GRAMD1B: variants seen among roughly 807,000 people sequenced by gnomAD.
The protein encoded by GRAMD1B is GRAM domain containing 1B, also known as protein Aster-B.
Under a neutral mutation model 99.7 loss-of-function variants are expected in GRAMD1B, and 37 were observed. The ratio of observed to expected loss-of-function variants is 0.37; its 90% confidence interval spans 0.29 to 0.49. The LOEUF (loss-of-function observed/expected upper bound fraction) is 0.49, where lower values mean the gene tolerates loss of function less well. Ranked by LOEUF, GRAMD1B falls within the 20% of genes least tolerant of loss-of-function variation. The probability of loss-of-function intolerance (pLI) is 0.98; values close to 1 mark genes in which losing one functional copy is unlikely to be tolerated. For missense variants in GRAMD1B, 888 were observed against 1,009.2 expected, an observed-to-expected ratio of 0.88 and a Z score of 1.63; for synonymous variants, 427 against 387.6, an observed-to-expected ratio of 1.10 and a Z score of -1.19.
At chr11:123,611,646 C>T (rs756985081) in intron 14 of GRAMD1B, among the ~76,000 whole-genome samples, 1 of 152,148 alleles carries the variant, frequency 6.6e-6, no homozygotes, top group Non-Finnish European at 1.5e-5. Flanking sequence ...GAAGATCTTT[C>T]AATTGCATCT....
intron 2 of GRAMD1B, among the ~76,000 whole-genome samples, chr11:123,503,446 C>A (rs940295949): frequency 1.3e-5 from 2 of 152,198 alleles, no homozygotes; most frequent in African/African-American, 2.4e-5. Flanking sequence ...CTTAACCCCC[C>A]ACCCATACCC....
intron 1 of GRAMD1B, among the ~76,000 whole-genome samples, chr11:123,412,766 T>G (rs1156301705): frequency 8.3e-6 from 1 of 120,912 alleles, no homozygotes; most frequent in African/African-American, 4.5e-5. Context: ...TCTCTTCATT[T>G]TTTAATAAAA....
chr11:123,621,870 C>CT (rs1300129675), intron 19 of GRAMD1B, among the ~76,000 whole-genome samples: 2 of 134,340 alleles, frequency 1.5e-5, no homozygotes, highest in East Asian at 2.5e-4. Flanking sequence ...TCTTTCTTTT[C>CT]TTTCTTTCTT....
chr11:123,555,123 G>A (rs1201985950), intron 2 of GRAMD1B, among the ~76,000 whole-genome samples: 1 of 152,188 alleles, frequency 6.6e-6, no homozygotes, highest in African/African-American at 2.4e-5. Context: ...GTGCCAGCCG[G>A]CAAAGAAGAA....
intron 10 of GRAMD1B, among the ~76,000 whole-genome samples, chr11:123,605,998 G>A (rs1042329698): frequency 1.1e-4 from 17 of 152,158 alleles, no homozygotes; most frequent in African/African-American, 4.1e-4. Context: ...GTAGAACCTT[G>A]ATGAGGAAAG....
rs754862708 is a variant in GRAMD1B, at chr11:123,605,357, T to C, written c.1202T>C (p.Val401Ala). 5 of 1,612,490 alleles carry C rather than the reference T, an allele frequency of 3.1e-6. No homozygotes were observed. Among genetic ancestry groups the C allele is most frequent in the Non-Finnish European group, 4.2e-6 (5 of 1,179,070 alleles). The change falls in exon 10 of 20, where the codon GTG becomes GCG. Residue 401 changes from valine to alanine, a missense_variant. By Grantham distance (64) the Val-to-Ala change is moderately conservative (BLOSUM62 0). Around this residue, in one of 5 missense-constraint regions of GRAMD1B, gnomAD observed 269 missense variants for 296.6 expected, o/e 0.91. Coordinates refer to ENST00000635736, the MANE Select transcript of GRAMD1B (RefSeq NM_001387025.1). ...GAGATCCCTGTGGAAGAGAATGAAGTGAATGACAGCTCATCCAAGAGCAGC... is the reference window on the plus strand; with the variant it reads ...GAGATCCCTGTGGAAGAGAATGAAGCGAATGACAGCTCATCCAAGAGCAGC... ...CEEIPVEENEVNDSSSKSSIE... is the reference protein window; with the variant it reads ...CEEIPVEENEANDSSSKSSIE...
rs190700042 is a variant in GRAMD1B, at chr11:123,500,114, G to A, written c.452+19221G>A. Among the ~76,000 whole-genome samples, 198 of 152,210 alleles carry A rather than the reference G, an allele frequency of 1.3e-3. 3 individuals carry two copies. Among genetic ancestry groups the A allele is most frequent in the East Asian group, 1.2e-3 (6 of 5,170 alleles). On this transcript the variant is annotated intron_variant, in intron 2 of 19. Transcript: ENST00000635736. ...AGGCCGAGGCAGGCAGATCACTTGA[G>A]GTTCGAGACTAGCCTGGCCAACGTG...
intron 17 of GRAMD1B, among the ~76,000 whole-genome samples, chr11:123,617,071 C>T (rs1954513706): frequency 6.6e-6 from 1 of 152,180 alleles, no homozygotes; most frequent in African/African-American, 2.4e-5. Context: ...GTACCACTTG[C>T]ACAGGCATAA....
chr11:123,575,272 G>A (rs1420891888), intron 2 of GRAMD1B, among the ~76,000 whole-genome samples: 2 of 152,252 alleles, frequency 1.3e-5, no homozygotes, highest in East Asian at 3.9e-4. Context: ...CCATTCCAGG[G>A]TCTGGAATTT....
chr11:123,380,082 C>T (rs1946822549), intron 1 of GRAMD1B, among the ~76,000 whole-genome samples: 1 of 152,202 alleles, frequency 6.6e-6, no homozygotes, highest in African/African-American at 2.4e-5. Flanking sequence ...ACACAAGTCT[C>T]TTGTCAAATA....
At chr11:123,568,358 T>C (rs1202301903) in intron 2 of GRAMD1B, among the ~76,000 whole-genome samples, 1 of 152,200 alleles carries the variant, frequency 6.6e-6, no homozygotes, top group Non-Finnish European at 1.5e-5. Flanking sequence ...TTGTAAGGTG[T>C]CTCTACCAGT....
chr11:123,590,558 G>A (rs992034692), intron 4 of GRAMD1B, among the ~76,000 whole-genome samples: 2 of 152,178 alleles, frequency 1.3e-5, no homozygotes, highest in Non-Finnish European at 2.9e-5. Context: ...TGAAGCATGT[G>A]TAGGGCCCAG....
At chr11:123,439,125 T>TG (rs1565500116) in intron 1 of GRAMD1B, among the ~76,000 whole-genome samples, 1 of 152,140 alleles carries the variant, frequency 6.6e-6, no homozygotes, top group Non-Finnish European at 1.5e-5. Context: ...CTTATTGTCT[T>TG]GGGGGGTGGG....
intron 15 of GRAMD1B, chr11:123,613,136 T>G (rs1953826949): frequency 3.6e-6 from 2 of 555,916 alleles, no homozygotes; most frequent in Non-Finnish European, 6.4e-6. Flanking sequence ...ACAGACCTAG[T>G]GATATAGGTG....
chr11:123,515,359 G>A (rs1228743317), intron 2 of GRAMD1B, among the ~76,000 whole-genome samples: 2 of 152,198 alleles, frequency 1.3e-5, no homozygotes, highest in Admixed American at 1.3e-4. Context: ...TCCCAGATCT[G>A]AAAATCTGAA....
Position 123,369,457 on chromosome 11 carries a change from A to C in GRAMD1B, c.-176+10658A>C, listed in dbSNP as rs560434532. ...TAGCAAAAAATAAGAACAAATAAAC[A>C]AAGGAAATGGAGGGATTAAATTTGT... On this transcript the variant is annotated intron_variant, in intron 1 of 20. Transcript: ENST00000638157. 7.9e-5 allele frequency among the ~76,000 whole-genome samples: 12 copies of C among 152,296 alleles called. No homozygotes were observed. In the East Asian group the frequency reaches 2.3e-3, roughly 29 times the overall value.
At chr11:123,511,977 G>T (rs1424259226) in intron 2 of GRAMD1B, among the ~76,000 whole-genome samples, 2 of 152,220 alleles carry the variant, frequency 1.3e-5, no homozygotes, top group Non-Finnish European at 2.9e-5. Flanking sequence ...GTTTAGATCT[G>T]TCAAATTCTC....
chr11:123,431,017 G>C lies in GRAMD1B; in HGVS notation c.225G>C (p.Leu75=). The change falls in exon 1 of 20, where the codon CTG becomes CTC. Residue 75 remains leucine, a synonymous_variant. Transcript: ENST00000635736. ...PAVLAPGKEF[L]QLPSIEITPS... is the part of the protein sequence containing the mutation. ...TCTTGGCCCCCGGCAAGGAGTTCCTGCAGCTGCCGTCCATCGAGATCACGC... is the reference window on the plus strand; with the variant it reads ...TCTTGGCCCCCGGCAAGGAGTTCCTCCAGCTGCCGTCCATCGAGATCACGC... The C allele has an allele frequency of 1.4e-6, 1 of 703,002 alleles. No homozygotes were observed. The allele number at this position is 703,002 out of a possible 1,614,324, so 43.5% of individuals were successfully genotyped here.
intron 1 of GRAMD1B, among the ~76,000 whole-genome samples, chr11:123,452,507 G>A (rs113539132): frequency 0.014 from 2,172 of 152,198 alleles, 49 homozygotes; most frequent in African/African-American, 0.049. Context: ...TTAGCCAGGC[G>A]TGGTGATGGG....
Sources: allele counts gnomAD v4.1 joint callset (sites outside exome capture counted in the v4.1 genomes callset), GRCh38; gene constraint gnomAD v4.1.1; regional missense constraint gnomAD v4.1.1; transcripts MANE v1.5; gene names NCBI Gene and HGNC (gene_info 2026-07-23, HGNC 2026-07-21).